PRRC2A: variants seen among roughly 807,000 people sequenced by gnomAD.
PRRC2A encodes the protein proline rich coiled-coil 2A, also known as protein PRRC2A.
In PRRC2A, 59 loss-of-function variants were observed where a neutral mutation model predicts 224.6. The ratio of observed to expected loss-of-function variants is 0.26; its 90% CI spans 0.21 to 0.33. The LOEUF is 0.33. Among genes scored for constraint, PRRC2A ranks in the 10% least tolerant of loss-of-function variants. The pLI is 1.00. For missense variants in PRRC2A, 3,095 were observed against 2,880.7 expected (o/e 1.07, Z -1.70); for synonymous variants, 1,194 against 1,109.5 (o/e 1.08, Z -1.51).
rs1274627000 is a variant in PRRC2A at position 31,637,563 on chromosome 6, C to G, written c.6451C>G (p.Pro2151Ala). The change falls in exon 31 of 31, where the codon CCT becomes GCT. Residue 2151 changes from proline (P) to alanine (A), a missense_variant. Physicochemically the swap from Pro to Ala is conservative, Grantham distance 27. Around this residue, in one of 8 missense-constraint regions of PRRC2A, gnomAD observed 662 missense variants for 609.5 expected, o/e 1.09. Coordinates refer to ENST00000376033, the MANE Select transcript of PRRC2A (RefSeq NM_004638.4). ...GCCTGGGTCCCGAGGGGACAAGGAG[C>G]CTGGGTTGCCCCCACCCCGCTGAGG... ...EEPGSRGDKE[P>A]GLPPPR The G allele has an allele frequency of 6.3e-7, 1 of 1,584,210 alleles. No individual in the cohort carries two copies. Among genetic ancestry groups the G allele is most frequent in the South Asian group, 1.1e-5 (1 of 88,100 alleles).
At chr6:31,633,247 C>T (rs1474232139) in intron 16 of PRRC2A, 132 bp from the exon 17 acceptor site, 3 of 1,346,476 alleles carry the variant, frequency 2.2e-6, no homozygotes, top group Non-Finnish European at 3.1e-6. Context: ...CATAGGAATC[C>T]TTAGAAGGAC....
chr6:31,626,773 G>A lies in PRRC2A; in HGVS notation c.984G>A (p.Gly328=). ...ACTAATACTCATATTTCCCCTCAGG[G>A]GCCCATGAAGAGGTTGACTACACTG... is the stretch of plus-strand genomic sequence containing the variant. ...LDQENDDGWA[G]AHEEVDYTEK... Residue 328 remains glycine, a splice_region_variant and synonymous_variant, in exon 10 of 31, where the codon GGG becomes GGA. Coordinates refer to ENST00000376033, the MANE Select transcript of PRRC2A (RefSeq NM_004638.4). 1.3e-6 allele frequency: 2 copies of A among 1,574,748 alleles called. No homozygotes were observed. Among genetic ancestry groups the A allele is most frequent in the Admixed American group, 1.9e-5 (1 of 52,780 alleles).
Position 31,625,692 on chromosome 6 carries a change from A to G in PRRC2A, c.759+81A>G, listed in dbSNP as rs1775828073. The G allele has an allele frequency of 1.3e-6, 2 of 1,590,122 alleles. No homozygotes were observed. Among genetic ancestry groups the G allele is most frequent in the African/African-American group, 2.7e-5 (2 of 74,434 alleles). On this transcript the variant is annotated intron_variant, in intron 7 of 30. Transcript: ENST00000376033. This position sits in a 1 kb window ranked among gnomAD's most constrained non-coding sequence, Gnocchi z 4.1. ...ATCAGGACTTAGTCTTTGACCTATG[A>G]GATAGAAGGGAGGGTGGGAGGATGA...
Position 31,626,277 on chromosome 6 carries a change from G to T in PRRC2A, c.982+115G>T, listed in dbSNP as rs80219586. 1,948 of 1,258,080 alleles carry T rather than the reference G, an allele frequency of 1.5e-3. 22 individuals carry two copies. In the African/African-American group the frequency reaches 0.026, roughly 17 times the overall value. 77.9% of individuals were successfully genotyped at this position (1,258,080 alleles called of 1,614,324 possible). ...AGACATTGAAGTGTAGGAAGACCAG[G>T]CCCAATGGCTCACATCTGTAATCCC... On this transcript the variant is annotated intron_variant, in intron 9 of 30. Coordinates refer to ENST00000376033, the MANE Select transcript of PRRC2A (RefSeq NM_004638.4).
chr6:31,628,610 G>A (rs1028007189), intron 12 of PRRC2A: 11 of 282,018 alleles, frequency 3.9e-5, no homozygotes, highest in Non-Finnish European at 6.0e-5. Context: ...CTGGGAGGCC[G>A]AGGCGGGCAG....
At position 31,633,540 on chromosome 6, in the gene PRRC2A, G is replaced by A. The variant is rs1776934477; in HGVS notation, c.4481G>A (p.Gly1494Glu). ...CGTCAAGGGAGTGTAACTGCACCAG[G>A]GGGTCATCCAAGGCACAAGCCTGGG... ...SSRQGSVTAP[G>E]GHPRHKPGLP... The change falls in exon 17 of 31, where the codon GGG becomes GAG. Residue 1494 changes from glycine (G) to glutamate (E), a missense_variant. By Grantham distance (98) the Gly-to-Glu change is moderately conservative (BLOSUM62 -2). This residue lies in a region of PRRC2A where 2,001 missense variants were observed against 1,764.9 expected (regional missense o/e 1.13). Coordinates refer to ENST00000376033, the MANE Select transcript of PRRC2A (RefSeq NM_004638.4). The A allele has an allele frequency of 4.3e-6, 7 of 1,612,982 alleles. No homozygotes were observed. Among genetic ancestry groups the A allele is most frequent in the East Asian group, 4.5e-5 (2 of 44,900 alleles).
rs748523511 is a variant in PRRC2A, at chr6:31,628,066, C to T, written c.1592C>T (p.Pro531Leu). Reference protein sequence around the residue: ...PPAVPKELPAPPAPPPASAPT... With the variant: ...PPAVPKELPALPAPPPASAPT... The stretch of plus-strand genomic sequence containing the variant: ...GCAGTCCCTAAAGAACTCCCTGCAC[C>T]TCCAGCTCCACCTCCAGCATCAGCC... Residue 531 changes from proline (P) to leucine (L), a missense_variant, in exon 12 of 31, where the codon CCT (proline) becomes CTT (leucine). Coordinates refer to ENST00000376033, the MANE Select transcript of PRRC2A (RefSeq NM_004638.4). 5 of 1,612,776 alleles carry T rather than the reference C, an allele frequency of 3.1e-6. No individual in the cohort carries two copies. Among genetic ancestry groups the T allele is most frequent in the Non-Finnish European group, 4.2e-6 (5 of 1,179,940 alleles).
intron 9 of PRRC2A, among the ~76,000 whole-genome samples, chr6:31,626,551 T>C (rs1261259857): frequency 6.6e-6 from 1 of 151,032 alleles, no homozygotes. Flanking sequence ...AGCGAGACTT[T>C]TAAAAGGAAA....
At chr6:31,635,052 C>CT (rs1777160009) in intron 21 of PRRC2A, 75 bp downstream of exon 21, 2 of 1,597,954 alleles carry the variant, frequency 1.3e-6, no homozygotes, top group Admixed American at 1.7e-5. Context: ...TGCTTTTTCT[C>CT]TCTGCGTGTG....
In PRRC2A at chr6:31,636,871, C is replaced by T; in HGVS notation, c.6073C>T (p.Pro2025Ser). The part of the protein sequence containing the change: ...ALQPPSLAVR[P>S]PPAPATRVLP... ...GCAGCCCCCCAGCCTGGCTGTGCGG[C>T]CCCCACCTGCTCCTGCTACTCGGGT... The change falls in exon 28 of 31, where the codon CCC (proline) becomes TCC (serine). Residue 2025 changes from proline to serine, a missense_variant. Pro to Ser is a moderately conservative substitution (Grantham distance 74). Coordinates refer to ENST00000376033, the MANE Select transcript of PRRC2A (RefSeq NM_004638.4). This position sits in a 1 kb window ranked among gnomAD's most constrained non-coding sequence, Gnocchi z 4.3. 3 of 1,612,894 alleles carry T rather than the reference C, an allele frequency of 1.9e-6. No individual in the cohort carries two copies. The highest frequency in any genetic ancestry group is 2.5e-6 in the Non-Finnish European group (3 of 1,180,006).
At position 31,622,781 on chromosome 6, in the gene PRRC2A, T is replaced by G. The variant is rs1297885070; in HGVS notation, c.-9T>G. ...CAGGACCCAACATACTCAATGAGCT[T>G]CCAGCGCAATGTCCGATCGCTCGGG... On this transcript the variant is annotated 5_prime_UTR_variant, in exon 2 of 31. Coordinates refer to ENST00000376033, the MANE Select transcript of PRRC2A (RefSeq NM_004638.4). 1 of 1,610,188 alleles carries G rather than the reference T, an allele frequency of 6.2e-7. No homozygotes were observed. Among genetic ancestry groups the G allele is most frequent in the Admixed American group, 1.7e-5 (1 of 58,632 alleles).
rs200399206 is a variant in PRRC2A at position 31,633,403 on chromosome 6, G to T, written c.4344G>T (p.Pro1448=). The T allele has an allele frequency of 1.2e-6, 2 of 1,612,878 alleles. No individual in the cohort carries two copies. Among genetic ancestry groups the T allele is most frequent in the African/African-American group, 1.3e-5 (1 of 75,028 alleles). The stretch of plus-strand genomic sequence containing the variant: ...GTCGTCCTCCAGAGGAGCGTCCCCC[G>T]GGGCTTCCCCTGCCTCCCCCACCTC... ...NRSRPPEERP[P]GLPLPPPPPS... is the part of the protein sequence containing the mutation. Residue 1448 remains proline (P), a synonymous_variant, in exon 17 of 31, where the codon CCG becomes CCT. Coordinates refer to ENST00000376033, the MANE Select transcript of PRRC2A (RefSeq NM_004638.4).
At chr6:31,635,110 C>T (rs1561838177) in intron 21 of PRRC2A, 22 bp from the exon 22 acceptor site, 4 of 1,612,556 alleles carry the variant, frequency 2.5e-6, no homozygotes, top group Non-Finnish European at 2.5e-6. Flanking sequence ...CCCCAATGCA[C>T]TTTACTGTGT....
Position 31,625,008 on chromosome 6 carries a change from C to G in PRRC2A, c.464-163C>G. 1.3e-6 allele frequency: 1 copy of G among 755,348 alleles called. No individual in the cohort carries two copies. The allele number at this position is 755,348 out of a possible 1,614,324, so 46.8% of individuals were successfully genotyped here. A position where few individuals can be genotyped will look rare whatever the true frequency, so the allele number is the denominator to read the frequency against. On this transcript the variant is annotated intron_variant, in intron 5 of 30. Transcript: ENST00000376033. The surrounding 1 kb of genome is among the most constrained non-coding windows in gnomAD (Gnocchi z 4.1). ...TAGAGATGGGGTTTCACATGTTGGC[C>G]AGGATGGTCTCGATCTCTTGACCTC...
Position 31,637,492 on chromosome 6 carries a change from G to A in PRRC2A, c.6380G>A (p.Arg2127Gln), listed in dbSNP as rs528194043. 15 of 1,573,614 alleles carry A rather than the reference G, an allele frequency of 9.5e-6. No homozygotes were observed. The highest frequency in any genetic ancestry group is 4.1e-5 in the African/African-American group (3 of 73,714). Residue 2127 changes from arginine (R) to glutamine (Q), a missense_variant, in exon 31 of 31, where the codon CGG becomes CAG. By Grantham distance (43) the Arg-to-Gln change is conservative. Coordinates refer to ENST00000376033, the MANE Select transcript of PRRC2A (RefSeq NM_004638.4). ...CGCTGGATACCTAAGCCTTGGGAGC[G>A]GACAGGGCCGCCACCTCGAGAAGGG... Reference protein sequence around the residue: ...ALRWIPKPWERTGPPPREGPS... With the variant: ...ALRWIPKPWEQTGPPPREGPS...
At position 31,629,304 on chromosome 6, in the gene PRRC2A, G is replaced by T; in HGVS notation, c.1926G>T (p.Ser642=). ...TGGGCTACCCCAAATATCAGAAGTC[G>T]TTGCCTCCTCGTTTCCAGCGGCAGC... ...QGLGYPKYQK[S]LPPRFQRQQQ... Residue 642 remains serine, a synonymous_variant, in exon 13 of 31, where the codon TCG becomes TCT. Transcript: ENST00000376033. 1 of 1,576,084 alleles carries T rather than the reference G, an allele frequency of 6.3e-7. No individual in the cohort carries two copies. The highest frequency in any genetic ancestry group is 1.4e-5 in the African/African-American group (1 of 73,248).
At chr6:31,626,255 C>G (rs1021809829) in intron 9 of PRRC2A, 93 bp downstream of exon 9, 107 of 1,436,444 alleles carry the variant, frequency 7.4e-5, no homozygotes, top group Non-Finnish European at 9.6e-5. Flanking sequence ...GAAAGGCAGA[C>G]ATTGAAGTGT....
rs200160367 is a variant in PRRC2A at position 31,630,352 on chromosome 6, A to AAATG, written c.2255-224_2255-221dup. On this transcript the variant is annotated intron_variant, in intron 14 of 30. Transcript: ENST00000376033. The stretch of plus-strand genomic sequence containing the variant: ...AATGAATAGCACAACTCCATCTCAA[A>AAATG]AATGAATGAATGAATGAAAGAAGCA... Among the ~76,000 whole-genome samples, 249 of 152,322 alleles carry AAATG rather than the reference A, an allele frequency of 1.6e-3. 1 individual carries two copies. Among genetic ancestry groups the AAATG allele is most frequent in the African/African-American group, 4.8e-3 (200 of 41,568 alleles).
At chr6:31,635,342 G>C in intron 22 of PRRC2A, 52 bp from the exon 23 acceptor site, 2 of 1,613,854 alleles carry the variant, frequency 1.2e-6, no homozygotes, top group Non-Finnish European at 1.7e-6. Context: ...GTGGGACATA[G>C]AGGACACATG....
Sources: allele counts gnomAD v4.1 joint callset (sites outside exome capture counted in the v4.1 genomes callset), GRCh38; gene constraint gnomAD v4.1.1; regional missense constraint gnomAD v4.1.1; non-coding constraint Gnocchi (gnomAD v3.1); transcripts MANE v1.5; gene names NCBI Gene and HGNC (gene_info 2026-07-23, HGNC 2026-07-21).